Variants in WDR20 observed in about 807,000 individuals in gnomAD.
The protein encoded by WDR20 is WD repeat-containing protein 20.
A neutral mutation model predicts 38.7 loss-of-function variants in WDR20; 3 were observed. That is an observed-to-expected ratio of 0.08 (90% CI 0.04 to 0.20). The LOEUF (loss-of-function observed/expected upper bound fraction) is 0.20, where lower values mean the gene tolerates loss of function less well. Among genes scored for constraint, WDR20 ranks in the 10% least tolerant of loss-of-function variants. WDR20 has a pLI of 1.00. For missense variants in WDR20, 559 were observed against 727.7 expected, an observed-to-expected ratio of 0.77 and a Z score of 2.67; for synonymous variants, 298 against 285.6, an observed-to-expected ratio of 1.04 and a Z score of -0.44.
chr14:102,177,341 C>T (rs2062379838), intron 1 of WDR20, among the ~76,000 whole-genome samples: 1 of 152,186 alleles, frequency 6.6e-6, no homozygotes, highest in Non-Finnish European at 1.5e-5. Context: ...TGTGAGACTG[C>T]AGGAACTGTG....
downstream of WDR20, chr14:102,213,790 TTTTC>T (rs1055595153): frequency 2.2e-5 from 22 of 985,188 alleles, no homozygotes; most frequent in African/African-American, 2.8e-4. Flanking sequence ...GAGGGAGACG[TTTTC>T]TTTCTTTGTT....
rs879412184 is a variant in WDR20, at chr14:102,205,976, G to GT, written c.433-2618dup. Among the ~76,000 whole-genome samples, 169 of 151,182 alleles carry GT rather than the reference G, an allele frequency of 1.1e-3. 1 individual carries two copies. The South Asian group carries it at 0.015, about 14-fold the overall frequency. Reference sequence around the variant, plus strand: ...CTACTTAGGGTCGTCTCAGTGCACTGTTTTTTTTTGTTGTTGTTTCTTTTG... The same window carrying GT: ...CTACTTAGGGTCGTCTCAGTGCACTGTTTTTTTTTTGTTGTTGTTTCTTTTG... On this transcript the variant is annotated intron_variant, in intron 2 of 2. Coordinates refer to ENST00000342702, the MANE Select transcript of WDR20 (RefSeq NM_144574.4).
At position 102,143,670 on chromosome 14, in the gene WDR20, G is replaced by A. The variant is rs758080176; in HGVS notation, c.249+3498G>A. Among the ~76,000 whole-genome samples the A allele has an allele frequency of 4.8e-4, 72 of 151,502 alleles. No homozygotes were observed. The Middle Eastern group carries it at 0.014, about 29-fold the overall frequency. On this transcript the variant is annotated intron_variant, in intron 1 of 2. Coordinates refer to ENST00000342702, the MANE Select transcript of WDR20 (RefSeq NM_144574.4). ...AGCGATTCTCCTCCCTCAGCCTCCC[G>A]AGCAGCTGGGACTACAGGTGCGTAC...
chr14:102,189,070 C>T (rs1038837237), intron 1 of WDR20, among the ~76,000 whole-genome samples: 1 of 151,240 alleles, frequency 6.6e-6, no homozygotes. Flanking sequence ...ATTAGCTGGG[C>T]GTGGTGGCAC....
intron 1 of WDR20, among the ~76,000 whole-genome samples, chr14:102,146,367 C>G (rs1381277785): frequency 1.3e-5 from 2 of 151,936 alleles, no homozygotes; most frequent in African/African-American, 4.8e-5. Context: ...GTTTCAGCAT[C>G]TTGGCCAGGC....
chr14:102,146,952 A>G (rs2053861744), intron 1 of WDR20, among the ~76,000 whole-genome samples: 1 of 152,210 alleles, frequency 6.6e-6, no homozygotes, highest in African/African-American at 2.4e-5. Context: ...TTTCTTTTCC[A>G]TTAAGGGCTA....
upstream of WDR20, chr14:102,139,861 A>G: frequency 6.3e-7 from 1 of 1,584,448 alleles, no homozygotes; most frequent in Non-Finnish European, 8.6e-7. Flanking sequence ...GAGCACCAGG[A>G]ACAGCGCCTG....
intron 2 of WDR20, among the ~76,000 whole-genome samples, chr14:102,206,883 A>T (rs2061636461): frequency 6.6e-6 from 1 of 152,188 alleles, no homozygotes; most frequent in Admixed American, 6.5e-5. Flanking sequence ...TCCCTCCACC[A>T]TCAAAAAAAA....
intron 1 of WDR20, chr14:102,193,660 C>T: frequency 3.1e-6 from 2 of 642,344 alleles, no homozygotes; most frequent in Non-Finnish European, 5.1e-6. Flanking sequence ...TTGAGGTCCT[C>T]TTTTCTACTC....
At chr14:102,161,207 G>A (rs1227596133) in intron 1 of WDR20, among the ~76,000 whole-genome samples, 7 of 127,922 alleles carry the variant, frequency 5.5e-5, no homozygotes, top group Non-Finnish European at 9.5e-5. Flanking sequence ...CTAGAGTGCC[G>A]TGGCACAATC....
At chr14:102,199,546 A>C (rs1252974424) in intron 2 of WDR20, among the ~76,000 whole-genome samples, 1 of 152,136 alleles carries the variant, frequency 6.6e-6, no homozygotes. Context: ...GCTGGTCACA[A>C]TTACAGCAAT....
chr14:102,213,964 A>G (rs776412917), downstream of WDR20: 12 of 985,472 alleles, frequency 1.2e-5, no homozygotes, highest in Non-Finnish European at 1.4e-5. Flanking sequence ...TTCATGGAAC[A>G]CAGCGTCTGG....
At chr14:102,193,171 T>C (rs747786474) in intron 1 of WDR20, among the ~76,000 whole-genome samples, 18 of 151,238 alleles carry the variant, frequency 1.2e-4, no homozygotes, top group Non-Finnish European at 2.4e-4. Context: ...CGTTCTGAGA[T>C]GAATGGCATG....
chr14:102,164,822 T>A (rs2059438481), intron 1 of WDR20, among the ~76,000 whole-genome samples: 1 of 152,236 alleles, frequency 6.6e-6, no homozygotes, highest in African/African-American at 2.4e-5. Flanking sequence ...TTCTTTTCCA[T>A]TATAAGTTTC....
At chr14:102,197,710 G>C in intron 2 of WDR20, 1 of 685,800 alleles carries the variant, frequency 1.5e-6, no homozygotes, top group Non-Finnish European at 2.7e-6. Flanking sequence ...GGGAACCTTT[G>C]GCCTTTTAAT....
At position 102,210,242 on chromosome 14, in the gene WDR20, A is replaced by T; in HGVS notation, c.*362A>T. 1 of 1,016,024 alleles carries T rather than the reference A, an allele frequency of 9.8e-7. No individual in the cohort carries two copies. The highest frequency in any genetic ancestry group is 1.2e-6 in the Non-Finnish European group (1 of 848,826). 62.9% of individuals were successfully genotyped at this position (1,016,024 alleles called of 1,614,324 possible). ...TTAAAATTTATGCTTTAACTGGAAT[A>T]TTTTTTGCTTAACTACTCAATTAGA... On this transcript the variant is annotated 3_prime_UTR_variant, in exon 3 of 3. Coordinates refer to ENST00000342702, the MANE Select transcript of WDR20 (RefSeq NM_144574.4).
chr14:102,154,559 G>A (rs1477851740), intron 1 of WDR20, among the ~76,000 whole-genome samples: 1 of 152,118 alleles, frequency 6.6e-6, no homozygotes, highest in Non-Finnish European at 1.5e-5. Flanking sequence ...CATAGCACTG[G>A]TATTGTCATG....
chr14:102,213,759 TCCTCATCACC>T, downstream of WDR20: 1 of 985,374 alleles, frequency 1.0e-6, no homozygotes, highest in Non-Finnish European at 1.2e-6. Context: ...GCATACAAGG[TCCTCATCACC>T]TCTCGCCTGG....
downstream of WDR20, chr14:102,224,359 C>T (rs960002019): frequency 5.8e-6 from 2 of 345,580 alleles, no homozygotes; most frequent in South Asian, 2.3e-5. Flanking sequence ...ATTTTTCTTA[C>T]TTGGTTGAAA....
Sources: allele counts gnomAD v4.1 joint callset (sites outside exome capture counted in the v4.1 genomes callset), GRCh38; gene constraint gnomAD v4.1.1; transcripts MANE v1.5; gene names NCBI Gene and HGNC (gene_info 2026-07-23, HGNC 2026-07-21).